FBXL17: variants seen among roughly 807,000 people sequenced by gnomAD.
FBXL17 encodes the protein F-box/LRR-repeat protein 17.
In FBXL17, 22 loss-of-function variants were observed where a neutral mutation model predicts 66.2. The ratio of observed to expected loss-of-function variants is 0.33; its 90% CI spans 0.24 to 0.47. FBXL17 has a LOEUF of 0.47. FBXL17 is among the 20% of genes least tolerant of loss of function. The probability of loss-of-function intolerance (pLI) is 1.00; values close to 1 mark genes in which losing one functional copy is unlikely to be tolerated. For synonymous variants in FBXL17, 474 were observed against 400.5 expected (o/e 1.18, Z -2.19); for missense variants, 878 against 948.2 (o/e 0.93, Z 0.97).
chr5:107,991,918 A>T (rs538217147), intron 7 of FBXL17, among the ~76,000 whole-genome samples: 2 of 152,338 alleles, frequency 1.3e-5, no homozygotes, highest in East Asian at 3.9e-4. Context: ...GCATTGCTTA[A>T]GGTAGAGAGA....
At chr5:107,941,933 C>A (rs1346298299) in intron 7 of FBXL17, among the ~76,000 whole-genome samples, 1 of 152,158 alleles carries the variant, frequency 6.6e-6, no homozygotes, top group African/African-American at 2.4e-5. Flanking sequence ...AGTTCTATTA[C>A]TGAACTACTG....
chr5:107,987,294 GTTT>G (rs5870291), intron 7 of FBXL17, among the ~76,000 whole-genome samples: 1,838 of 148,676 alleles, frequency 0.012, 37 homozygotes, highest in African/African-American at 0.04. Flanking sequence ...GCTATTGCTT[GTTT>G]TTTTTTTTTT....
At chr5:108,326,579 G>T (rs1282093804) in intron 4 of FBXL17, among the ~76,000 whole-genome samples, 1 of 151,952 alleles carries the variant, frequency 6.6e-6, no homozygotes, top group Admixed American at 6.6e-5. Context: ...CTCCAGCCTG[G>T]GTGACAGAGC....
intron 1 of FBXL17, among the ~76,000 whole-genome samples, chr5:108,377,392 T>G (rs760781890): frequency 6.6e-6 from 1 of 152,266 alleles, no homozygotes. Flanking sequence ...GGTTTTTCCT[T>G]GTTTTCCCCT....
At chr5:107,942,816 C>A (rs541437569) in intron 7 of FBXL17, among the ~76,000 whole-genome samples, 1 of 151,666 alleles carries the variant, frequency 6.6e-6, no homozygotes, top group African/African-American at 2.4e-5. Flanking sequence ...TTCAACCATA[C>A]TTTACCTAAG....
chr5:108,024,102 A>G (rs1341509701), intron 6 of FBXL17, among the ~76,000 whole-genome samples: 2 of 152,156 alleles, frequency 1.3e-5, no homozygotes, highest in African/African-American at 4.8e-5. Flanking sequence ...AAAGCTCAGA[A>G]TATCACATGG....
chr5:108,253,012 C>G (rs1756423187), intron 4 of FBXL17, among the ~76,000 whole-genome samples: 1 of 152,136 alleles, frequency 6.6e-6, no homozygotes, highest in African/African-American at 2.4e-5. Context: ...TATCAATGAT[C>G]TGAGAGATTC....
At chr5:108,250,199 C>G (rs966300238) in intron 4 of FBXL17, among the ~76,000 whole-genome samples, 44 of 152,248 alleles carry the variant, frequency 2.9e-4, no homozygotes, top group African/African-American at 1.0e-3. Context: ...AAATTACACA[C>G]TAAAAACGTA....
At position 108,381,288 on chromosome 5, in the gene FBXL17, G is replaced by A. The variant is rs746990658; in HGVS notation, c.404C>T (p.Ser135Leu). The change falls in exon 1 of 9, where the codon TCG becomes TTG. Residue 135 changes from serine to leucine, a missense_variant. Transcript: ENST00000542267. ...CTCTTTGCAGCAGGAGGCGGGCGAC[G>A]AAGCCGAGGCGGCAGCGGCGGCGGC... ...AAAAAAAASA[S>L]SPASCCKELG... 2.3e-5 allele frequency: 32 copies of A among 1,415,906 alleles called. No homozygotes were observed. The highest frequency in any genetic ancestry group is 4.4e-5 in the South Asian group (3 of 68,820). The allele number at this position is 1,415,906 out of a possible 1,614,324, so 87.7% of individuals were successfully genotyped here. A position where few individuals can be genotyped will look rare whatever the true frequency, so the allele number is the denominator to read the frequency against.
Position 108,179,011 on chromosome 5 carries a change from G to C in FBXL17, c.1745+7106C>G, listed in dbSNP as rs1752900682. On this transcript the variant is annotated intron_variant, in intron 6 of 8. Coordinates refer to ENST00000542267, the MANE Select transcript of FBXL17 (RefSeq NM_001163315.3). ...TCTCTAGGAGAATTAAGTAATATTA[G>C]GGGATTGAAATGAAATAAAATTCTA... Among the ~76,000 whole-genome samples, 3 of 152,156 alleles carry C rather than the reference G, an allele frequency of 2.0e-5. No individual in the cohort carries two copies. In the South Asian group the frequency reaches 6.2e-4, roughly 32 times the overall value.
intron 7 of FBXL17, among the ~76,000 whole-genome samples, chr5:108,002,778 C>T (rs1753786170): frequency 6.6e-6 from 1 of 152,122 alleles, no homozygotes; most frequent in South Asian, 2.1e-4. Flanking sequence ...AGATGAATCT[C>T]AAGAAACTTA....
chr5:108,354,325 A>T (rs1389329892), intron 3 of FBXL17, among the ~76,000 whole-genome samples: 1 of 152,192 alleles, frequency 6.6e-6, no homozygotes, highest in Non-Finnish European at 1.5e-5. Context: ...TTAATGGGAA[A>T]AGTAGGCAAC....
intron 8 of FBXL17, chr5:107,878,931 C>T: frequency 1.0e-6 from 1 of 985,458 alleles, no homozygotes; most frequent in Non-Finnish European, 1.2e-6. Flanking sequence ...CTCAGAGTGG[C>T]TCTCTGGTTA....
chr5:108,101,356 T>C (rs1380837340), intron 6 of FBXL17, among the ~76,000 whole-genome samples: 3 of 152,256 alleles, frequency 2.0e-5, no homozygotes, highest in African/African-American at 7.2e-5. Flanking sequence ...ACACAGGGCC[T>C]GTGCCAGGAC....
chr5:108,336,609 TAATAA>T (rs778351548), intron 4 of FBXL17, among the ~76,000 whole-genome samples: 1 of 152,182 alleles, frequency 6.6e-6, no homozygotes, highest in African/African-American at 2.4e-5. Context: ...AAGTAATTTG[TAATAA>T]AATAATAAAA....
intron 5 of FBXL17, among the ~76,000 whole-genome samples, chr5:108,191,196 A>G (rs1753456231): frequency 6.6e-6 from 1 of 152,198 alleles, no homozygotes; most frequent in African/African-American, 2.4e-5. Context: ...GTTTCTAGGA[A>G]GATTCGAAGT....
At chr5:108,069,441 CAAT>C (rs1748247877) in intron 6 of FBXL17, among the ~76,000 whole-genome samples, 1 of 152,126 alleles carries the variant, frequency 6.6e-6, no homozygotes, top group Non-Finnish European at 1.5e-5. Flanking sequence ...TGCAATGAAA[CAAT>C]AAGGAACAAT....
intron 4 of FBXL17, among the ~76,000 whole-genome samples, chr5:108,259,808 C>T (rs532472072): frequency 2.0e-5 from 3 of 151,900 alleles, no homozygotes; most frequent in African/African-American, 4.8e-5. Context: ...AATTTAAATA[C>T]GTGAAAGCAA....
chr5:108,216,769 C>A (rs1348393454), intron 5 of FBXL17, among the ~76,000 whole-genome samples: 1 of 152,088 alleles, frequency 6.6e-6, no homozygotes, highest in African/African-American at 2.4e-5. Context: ...AGAAAAAATT[C>A]AAGCGGCAGG....
Sources: allele counts gnomAD v4.1 joint callset (sites outside exome capture counted in the v4.1 genomes callset), GRCh38; gene constraint gnomAD v4.1.1; transcripts MANE v1.5; gene names NCBI Gene and HGNC (gene_info 2026-07-23, HGNC 2026-07-21).